The following LRRC1 variants were observed in gnomAD, a reference collection of about 807,000 sequenced individuals.
LRRC1 encodes the protein leucine rich repeat containing 1.
LRRC1 carries 28 observed loss-of-function variants against 69.9 expected under a neutral mutation model. The ratio of observed to expected loss-of-function variants is 0.40; its 90% CI spans 0.30 to 0.55. The LOEUF (loss-of-function observed/expected upper bound fraction) is 0.55. Ranked by LOEUF, LRRC1 falls within the 20% of genes least tolerant of loss-of-function variation. The pLI is 0.47. For missense variants in LRRC1, 498 were observed against 609.0 expected (o/e 0.82, Z 1.92); for synonymous variants, 236 against 240.2 (o/e 0.98, Z 0.16).
intron 1 of LRRC1, among the ~76,000 whole-genome samples, chr6:53,827,521 G>GT (rs1317967721): frequency 6.6e-6 from 1 of 152,134 alleles, no homozygotes; most frequent in African/African-American, 2.4e-5. Flanking sequence ...AGGTAATTGG[G>GT]TAAAGGCCTC....
chr6:53,899,745 A>G lies in LRRC1; in HGVS notation c.643-2A>G. On this transcript the variant is annotated splice_acceptor_variant, in intron 7 of 13. Transcript: ENST00000370888. LOFTEE classifies it high-confidence loss of function. ...GTTTATTTTTCCATGTCATTGTTATAGGAAATAGGAAATCTGAAGAACCTG... is the reference window on the plus strand; with the variant it reads ...GTTTATTTTTCCATGTCATTGTTATGGGAAATAGGAAATCTGAAGAACCTG... The G allele has an allele frequency of 6.2e-7, 1 of 1,613,148 alleles. No individual in the cohort carries two copies. The highest frequency in any genetic ancestry group is 8.5e-7 in the Non-Finnish European group (1 of 1,179,560).
chr6:53,827,324 A>AC (rs1209725443), intron 1 of LRRC1, among the ~76,000 whole-genome samples: 1 of 151,910 alleles, frequency 6.6e-6, no homozygotes, highest in Non-Finnish European at 1.5e-5. Context: ...AAAAAAAAAA[A>AC]AACAGTTGAA....
At chr6:53,917,525 G>C (rs1768605282) in intron 11 of LRRC1, among the ~76,000 whole-genome samples, 1 of 152,136 alleles carries the variant, frequency 6.6e-6, no homozygotes, top group African/African-American at 2.4e-5. Flanking sequence ...TAATATTATT[G>C]ATGCTCTTTT....
chr6:53,877,205 C>G (rs1200482966), intron 2 of LRRC1, among the ~76,000 whole-genome samples: 3 of 152,178 alleles, frequency 2.0e-5, no homozygotes, highest in Non-Finnish European at 2.9e-5. Flanking sequence ...TACTTTGGCC[C>G]CTTTTAGTCA....
At chr6:53,818,866 T>C (rs1409541104) in intron 1 of LRRC1, among the ~76,000 whole-genome samples, 1 of 152,070 alleles carries the variant, frequency 6.6e-6, no homozygotes, top group Admixed American at 6.6e-5. Flanking sequence ...TTTTTTGGGG[T>C]GTGAATTACT....
chr6:53,899,923 T>C, intron 8 of LRRC1, 32 bp downstream of exon 8: 4 of 1,595,700 alleles, frequency 2.5e-6, no homozygotes, highest in Non-Finnish European at 3.4e-6. Context: ...CTGCTAAACA[T>C]ACTGCCTGCC....
In LRRC1 at chr6:53,919,567, C is replaced by T; in HGVS notation, c.1176C>T (p.Ser392=). The change falls in exon 12 of 14, where the codon TCC becomes TCT. Residue 392 remains serine (S), a synonymous_variant. Transcript: ENST00000370888. ...CTCTGTGGCTATCTGACAACCAGTC[C>T]CAGCCCCTGCTTACATTCCAGACAG... is the stretch of plus-strand genomic sequence containing the variant. ...LKALWLSDNQ[S]QPLLTFQTDT... 1 of 1,613,626 alleles carries T rather than the reference C, an allele frequency of 6.2e-7. No homozygotes were observed. Among genetic ancestry groups the T allele is most frequent in the Non-Finnish European group, 8.5e-7 (1 of 1,179,888 alleles).
chr6:53,858,581 G>T (rs1766394814), intron 2 of LRRC1, among the ~76,000 whole-genome samples: 1 of 152,218 alleles, frequency 6.6e-6, no homozygotes, highest in African/African-American at 2.4e-5. Context: ...ATAAATGAAA[G>T]AATGAGTGAA....
chr6:53,912,946 T>C (rs2127441404), intron 10 of LRRC1, among the ~76,000 whole-genome samples: 1 of 152,332 alleles, frequency 6.6e-6, no homozygotes, highest in South Asian at 2.1e-4. Flanking sequence ...CTGCAGAATG[T>C]TGTGTCTGGG....
At chr6:53,804,403 C>T (rs1322926490) in intron 1 of LRRC1, among the ~76,000 whole-genome samples, 4 of 152,054 alleles carry the variant, frequency 2.6e-5, no homozygotes, top group Non-Finnish European at 4.4e-5. Flanking sequence ...TTAAAATTCC[C>T]TTTGATTTTA....
At chr6:53,917,324 CAT>C (rs1768598849) in intron 11 of LRRC1, among the ~76,000 whole-genome samples, 1 of 152,128 alleles carries the variant, frequency 6.6e-6, no homozygotes, top group Non-Finnish European at 1.5e-5. Flanking sequence ...GTGGGCAGCT[CAT>C]GTGTGGTGTG....
chr6:53,873,613 AT>A (rs1766972074), intron 2 of LRRC1, among the ~76,000 whole-genome samples: 1 of 151,498 alleles, frequency 6.6e-6, no homozygotes, highest in African/African-American at 2.4e-5. Flanking sequence ...AATGCTACTG[AT>A]TTTTCTATGT....
At chr6:53,802,737 G>A (rs1176520563) in intron 1 of LRRC1, among the ~76,000 whole-genome samples, 1 of 152,154 alleles carries the variant, frequency 6.6e-6, no homozygotes, top group East Asian at 1.9e-4. Flanking sequence ...ATTTATGTTT[G>A]TTCTATACTA....
chr6:53,869,340 A>G (rs1766807202), intron 2 of LRRC1, among the ~76,000 whole-genome samples: 3 of 152,148 alleles, frequency 2.0e-5, no homozygotes, highest in Admixed American at 2.0e-4. Context: ...TACAGTTTTT[A>G]ATGGGGTATT....
At position 53,920,678 on chromosome 6, in the gene LRRC1, G is replaced by A. The variant is rs1396662907; in HGVS notation, c.1333G>A (p.Glu445Lys). 5.6e-6 allele frequency: 9 copies of A among 1,614,080 alleles called. No homozygotes were observed. Among genetic ancestry groups the A allele is most frequent in the Non-Finnish European group, 7.6e-6 (9 of 1,180,030 alleles). The change falls in exon 13 of 14, where the codon GAA becomes AAA. Residue 445 changes from glutamate (E) to lysine (K), a missense_variant. By Grantham distance (56) the Glu-to-Lys change is moderately conservative. Around this residue, in one of 3 missense-constraint regions of LRRC1, gnomAD observed 162 missense variants for 162.9 expected, o/e 0.99. Transcript: ENST00000370888. ...GAACTTGGTAAATGATGTCTCTGAT[G>A]AAGCCTGGAACGAGCGTGCTGTCAA... ...LENLVNDVSD[E>K]AWNERAVNRV...
intron 8 of LRRC1, 146 bp downstream of exon 8, chr6:53,900,037 T>TGG: frequency 1.5e-6 from 1 of 677,228 alleles, no homozygotes; most frequent in East Asian, 3.3e-5. Context: ...TTTTTTTTTT[T>TGG]TTTTTTTTTT....
intron 2 of LRRC1, among the ~76,000 whole-genome samples, chr6:53,869,443 C>A (rs1209189874): frequency 3.3e-5 from 5 of 152,070 alleles, no homozygotes; most frequent in Non-Finnish European, 7.4e-5. Context: ...ATTTGGGAAT[C>A]AATTAAAAGT....
chr6:53,806,820 A>G (rs1335288719), intron 1 of LRRC1, among the ~76,000 whole-genome samples: 1 of 152,192 alleles, frequency 6.6e-6, no homozygotes, highest in African/African-American at 2.4e-5. Flanking sequence ...TTAAGGAAAA[A>G]AGATCAGCAG....
At chr6:53,846,169 G>A (rs1310423476) in intron 2 of LRRC1, among the ~76,000 whole-genome samples, 2 of 152,194 alleles carry the variant, frequency 1.3e-5, no homozygotes, top group African/African-American at 4.8e-5. Context: ...GCCAAGAACT[G>A]CCAAGACCTT....
Sources: allele counts gnomAD v4.1 joint callset (sites outside exome capture counted in the v4.1 genomes callset), GRCh38; gene constraint gnomAD v4.1.1; regional missense constraint gnomAD v4.1.1; transcripts MANE v1.5; gene names NCBI Gene and HGNC (gene_info 2026-07-23, HGNC 2026-07-21).